DENND4A: variants seen among roughly 807,000 people sequenced by gnomAD.
The protein encoded by DENND4A is DENN domain containing 4A.
In DENND4A, 70 loss-of-function variants were observed where a neutral mutation model predicts 199.3. That is an observed-to-expected ratio of 0.35 (90% confidence interval 0.29 to 0.43). The LOEUF (loss-of-function observed/expected upper bound fraction) is 0.43, where lower values mean the gene tolerates loss of function less well. Ranked by LOEUF, DENND4A falls within the 20% of genes least tolerant of loss-of-function variation. The pLI is 1.00. For missense variants in DENND4A, 1,723 were observed against 2,255.8 expected (o/e 0.76, Z 4.78); for synonymous variants, 686 against 766.9 (o/e 0.89, Z 1.74).
intron 4 of DENND4A, among the ~76,000 whole-genome samples, chr15:65,749,561 T>C (rs1187094211): frequency 6.6e-6 from 1 of 151,988 alleles, no homozygotes; most frequent in Non-Finnish European, 1.5e-5. Flanking sequence ...ATAAATAAAT[T>C]GTGGCACATC....
At chr15:65,674,943 A>G (rs2076328709) in intron 24 of DENND4A, among the ~76,000 whole-genome samples, 1 of 152,200 alleles carries the variant, frequency 6.6e-6, no homozygotes, top group African/African-American at 2.4e-5. Flanking sequence ...TTATTGGTTG[A>G]TAATTATTGA....
At chr15:65,707,611 T>G (rs992591178) in intron 14 of DENND4A, among the ~76,000 whole-genome samples, 1 of 151,954 alleles carries the variant, frequency 6.6e-6, no homozygotes, top group Admixed American at 6.5e-5. Context: ...GATTCAGAAT[T>G]ATAATAATGA....
Position 65,697,324 on chromosome 15 carries a change from T to C in DENND4A, c.2893A>G (p.Thr965Ala). 6.2e-7 allele frequency: 1 copy of C among 1,609,610 alleles called. No homozygotes were observed. Among genetic ancestry groups the C allele is most frequent in the South Asian group, 1.1e-5 (1 of 90,410 alleles). Residue 965 changes from threonine to alanine, a missense_variant, in exon 21 of 33, where the codon ACA becomes GCA. Physicochemically the swap from Thr to Ala is moderately conservative, Grantham distance 58 (BLOSUM62 0). This residue lies in a region of DENND4A where 650 missense variants were observed against 738.1 expected (regional missense o/e 0.88). Coordinates refer to ENST00000443035, the MANE Select transcript of DENND4A (RefSeq NM_001320835.1). ...LSKDEVRRGD[T>A]STEDIQEEKD... ...TCTTCTTGAATGTCTTCAGTAGATG[T>C]ATCCCCTCTTCTAACTTCATCTTTA...
chr15:65,771,836 T>G (rs2077136679), intron 1 of DENND4A: 2 of 1,613,056 alleles, frequency 1.2e-6, no homozygotes, highest in South Asian at 2.2e-5. Flanking sequence ...TCTGGATTAC[T>G]TAAAACAGCA....
intron 28 of DENND4A, 45 bp downstream of exon 28, chr15:65,667,880 G>T: frequency 6.4e-7 from 1 of 1,570,070 alleles, no homozygotes; most frequent in Non-Finnish European, 8.6e-7. Flanking sequence ...AAAATCATAC[G>T]TAAGTGATCA....
intron 14 of DENND4A, among the ~76,000 whole-genome samples, chr15:65,709,754 CTTTAT>C (rs1005362837): frequency 7.6e-6 from 1 of 131,680 alleles, no homozygotes; most frequent in Non-Finnish European, 1.6e-5. Context: ...TCTCGTGACA[CTTTAT>C]TTTCTCTAAT....
chr15:65,738,724 A>G lies in DENND4A; in HGVS notation c.783T>C (p.Thr261=), dbSNP rs1442742579. The part of the protein sequence containing the change: ...PLPVFSTFVL[T]GASAEKVYGA... The stretch of plus-strand genomic sequence containing the variant: ...ATAATACCTTTTCAGCTGAGGCTCC[A>G]GTTAAAACAAAAGTAGAAAATACAG... The change falls in exon 6 of 33, where the codon ACT becomes ACC. Residue 261 remains threonine, a synonymous_variant. Coordinates refer to ENST00000443035, the MANE Select transcript of DENND4A (RefSeq NM_001320835.1). 1.9e-6 allele frequency: 3 copies of G among 1,610,876 alleles called. No homozygotes were observed. The highest frequency in any genetic ancestry group is 4.5e-5 in the East Asian group (2 of 44,720).
At chr15:65,701,605 T>C (rs1361516203) in intron 18 of DENND4A, among the ~76,000 whole-genome samples, 157 bp downstream of exon 18, 2 of 152,084 alleles carry the variant, frequency 1.3e-5, no homozygotes, top group Admixed American at 6.6e-5. Context: ...GTAGATTGTA[T>C]AACATAAAAG....
rs1222779629 is a variant in DENND4A, at chr15:65,771,472, T to C, written c.-101-10034A>G. ...TTTTAATAGTTTGCCCTGTTCCAGA[T>C]CTGGGATAGAAGGAATAAGGAGGAT... On this transcript the variant is annotated intron_variant, in intron 1 of 32. Coordinates refer to ENST00000443035, the MANE Select transcript of DENND4A (RefSeq NM_001320835.1). 4 of 1,609,178 alleles carry C rather than the reference T, an allele frequency of 2.5e-6. No individual in the cohort carries two copies. The African/African-American group carries it at 5.3e-5, about 22-fold the overall frequency.
At chr15:65,693,016 G>A (rs1228559904) in intron 22 of DENND4A, among the ~76,000 whole-genome samples, 1 of 152,110 alleles carries the variant, frequency 6.6e-6, no homozygotes, top group Non-Finnish European at 1.5e-5. Context: ...AGAAGAACAG[G>A]TAACAGAGAT....
chr15:65,770,510 A>G (rs1207145920), intron 1 of DENND4A, among the ~76,000 whole-genome samples: 1 of 152,192 alleles, frequency 6.6e-6, no homozygotes, highest in African/African-American at 2.4e-5. Flanking sequence ...TATGTATAGT[A>G]ATTCATAAAA....
chr15:65,747,363 T>C (rs2076430447), intron 4 of DENND4A, among the ~76,000 whole-genome samples: 1 of 152,172 alleles, frequency 6.6e-6, no homozygotes, highest in Non-Finnish European at 1.5e-5. Context: ...AACAAAGTAA[T>C]TTTTGAAAAC....
chr15:65,785,056 C>T (rs1273092909), intron 1 of DENND4A, among the ~76,000 whole-genome samples: 1 of 151,734 alleles, frequency 6.6e-6, no homozygotes, highest in Non-Finnish European at 1.5e-5. Flanking sequence ...ATTGCTTGAA[C>T]CTGGGAGGCG....
At chr15:65,738,033 T>A in intron 6 of DENND4A, 88 bp from the exon 7 acceptor site, 2 of 1,357,566 alleles carry the variant, frequency 1.5e-6, no homozygotes, top group Non-Finnish European at 2.0e-6. Flanking sequence ...AAATGCTTGC[T>A]ATGAGCCAGG....
intron 22 of DENND4A, among the ~76,000 whole-genome samples, chr15:65,695,510 G>A (rs191950212): frequency 2.0e-5 from 3 of 152,214 alleles, no homozygotes; most frequent in Admixed American, 2.0e-4. Flanking sequence ...TGGTCCTTGG[G>A]CCTTAGTTTG....
chr15:65,761,547 G>C (rs1317805510), intron 1 of DENND4A, 109 bp from the exon 2 acceptor site: 1 of 152,088 alleles, frequency 6.6e-6, no homozygotes, highest in Non-Finnish European at 1.5e-5. Flanking sequence ...TTACTAAACT[G>C]ATTGCATTTA....
At position 65,660,004 on chromosome 15, in the gene DENND4A, C is replaced by A; in HGVS notation, c.*1847G>T. ...CACCAACCACAAATAGAAGAGAACC[C>A]CAGACGGTTCTCTTGGAGGGATGTT... On this transcript the variant is annotated 3_prime_UTR_variant, in exon 33 of 33. Coordinates refer to ENST00000443035, the MANE Select transcript of DENND4A (RefSeq NM_001320835.1). 3.0e-6 allele frequency: 1 copy of A among 334,088 alleles called. No homozygotes were observed. The highest frequency in any genetic ancestry group is 7.2e-5 in the South Asian group (1 of 13,922). The allele number at this position is 334,088 out of a possible 1,614,324, so 20.7% of individuals were successfully genotyped here. A position where few individuals can be genotyped will look rare whatever the true frequency, so the allele number is the denominator to read the frequency against.
At chr15:65,693,826 T>C (rs1331597146) in intron 22 of DENND4A, among the ~76,000 whole-genome samples, 3 of 152,042 alleles carry the variant, frequency 2.0e-5, no homozygotes, top group Middle Eastern at 3.2e-3. Context: ...CCATCCCTTC[T>C]ACCTGCTTTC....
intron 1 of DENND4A, chr15:65,766,794 C>G (rs879787504): frequency 1.3e-5 from 2 of 151,922 alleles, no homozygotes; most frequent in Non-Finnish European, 2.9e-5. Context: ...AGTTCCAGAC[C>G]GAAAATAAGT....
Sources: allele counts gnomAD v4.1 joint callset (sites outside exome capture counted in the v4.1 genomes callset), GRCh38; gene constraint gnomAD v4.1.1; regional missense constraint gnomAD v4.1.1; transcripts MANE v1.5; gene names NCBI Gene and HGNC (gene_info 2026-07-23, HGNC 2026-07-21).